The following EPS15L1 variants were observed in gnomAD, a reference collection of about 807,000 sequenced individuals.
EPS15L1 encodes epidermal growth factor receptor substrate 15-like 1.
In EPS15L1, 43 loss-of-function variants were observed where a neutral mutation model predicts 117.1. That is an observed-to-expected ratio of 0.37 (90% CI 0.29 to 0.47). The LOEUF is 0.47. EPS15L1 is among the 20% of genes least tolerant of loss of function. The pLI is 0.99. For synonymous variants in EPS15L1, 459 were observed against 470.5 expected, an observed-to-expected ratio of 0.98 and a Z score of 0.32; for missense variants, 981 against 1,164.0, an observed-to-expected ratio of 0.84 and a Z score of 2.29.
At chr19:16,461,600 TCA>T (rs1225678952) in intron 1 of EPS15L1, among the ~76,000 whole-genome samples, 1 of 151,760 alleles carries the variant, frequency 6.6e-6, no homozygotes, top group Non-Finnish European at 1.5e-5. Context: ...CCAGCCTGGG[TCA>T]CAGAGTGAGA....
intron 16 of EPS15L1, among the ~76,000 whole-genome samples, chr19:16,398,024 C>A (rs2092558187): frequency 6.6e-6 from 1 of 152,108 alleles, no homozygotes; most frequent in South Asian, 2.1e-4. Flanking sequence ...AAAGCCGGGG[C>A]GTCCACAAAA....
intron 1 of EPS15L1, among the ~76,000 whole-genome samples, chr19:16,453,146 C>T (rs191448933): frequency 9.2e-5 from 14 of 152,238 alleles, no homozygotes; most frequent in Admixed American, 5.9e-4. Flanking sequence ...GTCACCCAGG[C>T]TAGAGTACAG....
At chr19:16,425,812 C>T (rs2092866083) in intron 8 of EPS15L1, among the ~76,000 whole-genome samples, 1 of 152,048 alleles carries the variant, frequency 6.6e-6, no homozygotes, top group Admixed American at 6.6e-5. Context: ...CTCTATAAAA[C>T]AAAACAAAAC....
At chr19:16,451,524 A>T (rs907031082) in intron 1 of EPS15L1, among the ~76,000 whole-genome samples, 11 of 151,426 alleles carry the variant, frequency 7.3e-5, no homozygotes, top group Admixed American at 2.6e-4. Context: ...TTATTTATTT[A>T]TTTTATTTTT....
Position 16,404,819 on chromosome 19 carries a change from G to C in EPS15L1, c.1267-70C>G. ...AGCATGTCCAAGATAACGGGGGGCA[G>C]CCTGGGCCAGAAGTCCAGGGGAAGC... On this transcript the variant is annotated intron_variant, in intron 13 of 23. Coordinates refer to ENST00000455140, the MANE Select transcript of EPS15L1 (RefSeq NM_001258374.3). The surrounding 1 kb of genome is among the most constrained non-coding windows in gnomAD (Gnocchi z 4.2). 6.4e-7 allele frequency: 1 copy of C among 1,554,794 alleles called. No homozygotes were observed. Among genetic ancestry groups the C allele is most frequent in the South Asian group, 1.2e-5 (1 of 85,868 alleles).
At chr19:16,367,497 TAAAAAAAA>T (rs71178691) in intron 22 of EPS15L1, among the ~76,000 whole-genome samples, 2 of 65,302 alleles carry the variant, frequency 3.1e-5, no homozygotes, top group Non-Finnish European at 2.7e-5. Flanking sequence ...TATGTGCTGT[TAAAAAAAA>T]AAAAAAAAAA....
intron 16 of EPS15L1, among the ~76,000 whole-genome samples, chr19:16,397,380 G>A (rs2092551517): frequency 6.6e-6 from 1 of 152,062 alleles, no homozygotes; most frequent in Non-Finnish European, 1.5e-5. Context: ...GTGAGCCACC[G>A]CGCCCGGCTG....
intron 22 of EPS15L1, among the ~76,000 whole-genome samples, chr19:16,376,920 G>A (rs548425642): frequency 3.0e-4 from 46 of 152,366 alleles, no homozygotes; most frequent in African/African-American, 1.1e-3. Context: ...AGGACGGGGC[G>A]AGGGCGGGCA....
chr19:16,360,951 C>T (rs988007186), intron 23 of EPS15L1, among the ~76,000 whole-genome samples: 2 of 152,186 alleles, frequency 1.3e-5, no homozygotes, highest in East Asian at 1.9e-4. Context: ...AGGAAGAAAG[C>T]GAGGGCATCA....
intron 1 of EPS15L1, among the ~76,000 whole-genome samples, chr19:16,453,996 C>T (rs972416616): frequency 6.6e-6 from 1 of 152,096 alleles, no homozygotes; most frequent in African/African-American, 2.4e-5. Context: ...GTGACAGGAT[C>T]GTGCTTCTGT....
At chr19:16,432,607 A>T (rs1482596617) in intron 7 of EPS15L1, among the ~76,000 whole-genome samples, 7 of 150,526 alleles carry the variant, frequency 4.7e-5, no homozygotes, top group African/African-American at 1.7e-4. Context: ...TACAAATACA[A>T]ATACAAATAC....
At chr19:16,415,843 G>A (rs2092753355) in intron 12 of EPS15L1, among the ~76,000 whole-genome samples, 1 of 152,204 alleles carries the variant, frequency 6.6e-6, no homozygotes, top group African/African-American at 2.4e-5. Flanking sequence ...TCCATCCTTG[G>A]CCTGCCCGGT....
intron 22 of EPS15L1, among the ~76,000 whole-genome samples, chr19:16,363,074 C>T (rs566081358): frequency 6.6e-6 from 1 of 152,254 alleles, no homozygotes; most frequent in East Asian, 1.9e-4. Context: ...GAAGCAGAGG[C>T]CTGTTAAGAT....
chr19:16,363,044 G>A (rs185687374), intron 22 of EPS15L1, among the ~76,000 whole-genome samples: 50 of 152,264 alleles, frequency 3.3e-4, no homozygotes, highest in Admixed American at 4.6e-4. Context: ...TCCTGCCAAT[G>A]TACCAGAACA....
intron 1 of EPS15L1, among the ~76,000 whole-genome samples, chr19:16,470,632 AC>A (rs1250272500): frequency 6.6e-6 from 1 of 151,598 alleles, no homozygotes; most frequent in Non-Finnish European, 1.5e-5. Context: ...ATTAATAATC[AC>A]CGGGTTTTAG....
intron 22 of EPS15L1, among the ~76,000 whole-genome samples, chr19:16,369,675 A>AGTGTG (rs1220296158): frequency 2.1e-3 from 153 of 72,656 alleles, no homozygotes; most frequent in African/African-American, 1.0e-2. Context: ...GAAGAAAAAA[A>AGTGTG]AGTGTGTGTG....
In EPS15L1 at chr19:16,404,408, G is replaced by C. The variant is rs182192245; in HGVS notation, c.1428+180C>G. On this transcript the variant is annotated intron_variant, in intron 14 of 23. Coordinates refer to ENST00000455140, the MANE Select transcript of EPS15L1 (RefSeq NM_001258374.3). The surrounding 1 kb of genome is among the most constrained non-coding windows in gnomAD (Gnocchi z 4.2). ...CAACCTGACTTCTAGGAGTACAGGG[G>C]GGTGGCCAGGAAGTCAAGCCACAGG... Among the ~76,000 whole-genome samples, 2 of 152,264 alleles carry C rather than the reference G, an allele frequency of 1.3e-5. No homozygotes were observed. The highest frequency in any genetic ancestry group is 1.3e-4 in the Admixed American group (2 of 15,296).
intron 3 of EPS15L1, 182 bp downstream of exon 3, chr19:16,441,710 T>C (rs1347968481): frequency 4.2e-6 from 2 of 470,924 alleles, no homozygotes; most frequent in African/African-American, 4.1e-5. Context: ...ACCAAAGTAG[T>C]GGTGGGGGCT....
intron 22 of EPS15L1, among the ~76,000 whole-genome samples, chr19:16,375,538 G>A (rs529498767): frequency 9.1e-4 from 138 of 152,206 alleles, no homozygotes; most frequent in Non-Finnish European, 1.6e-3. Context: ...GCCCACTGCC[G>A]TTCCATCAGG....
Sources: gnomAD v4.1 joint callset for allele counts (sites outside exome capture counted in the v4.1 genomes callset) on GRCh38, gnomAD v4.1.1 for gene constraint, Gnocchi (gnomAD v3.1) non-coding constraint, MANE v1.5 for transcripts, NCBI Gene and HGNC (gene_info 2026-07-23, HGNC 2026-07-21) for gene names.